NPHP4: variants seen among roughly 807,000 people sequenced by gnomAD.
NPHP4 encodes nephrocystin 4.
In NPHP4, 151 loss-of-function variants were observed where a neutral mutation model predicts 155.8. The observed-to-expected ratio is 0.97, with a 90% confidence interval of 0.85 to 1.11. The LOEUF (loss-of-function observed/expected upper bound fraction) is 1.11, where lower values mean the gene tolerates loss of function less well. Among genes scored for constraint, NPHP4 ranks in the 50% least tolerant of loss-of-function variants. The pLI, the probability that NPHP4 is intolerant of heterozygous loss-of-function variation, is 0.00. For missense variants in NPHP4, 1,956 were observed against 1,925.7 expected (o/e 1.02, Z -0.29); for synonymous variants, 845 against 816.8 (o/e 1.03, Z -0.59).
chr1:5,930,553 ATTGT>A (rs1339102279), intron 10 of NPHP4, among the ~76,000 whole-genome samples: 1 of 152,126 alleles, frequency 6.6e-6, no homozygotes, highest in Non-Finnish European at 1.5e-5. Context: ...ATTTTTACAT[ATTGT>A]TTAATTTCCA....
intron 6 of NPHP4, among the ~76,000 whole-genome samples, chr1:5,956,069 G>GT (rs932467517): frequency 3.3e-5 from 5 of 150,046 alleles, no homozygotes; most frequent in Non-Finnish European, 7.4e-5. Flanking sequence ...TGGGGGGGGG[G>GT]GGTGCAGGGA....
intron 9 of NPHP4, 78 bp from the exon 10 acceptor site, chr1:5,933,407 A>G (rs549857156): frequency 4.2e-6 from 5 of 1,202,500 alleles, no homozygotes; most frequent in Non-Finnish European, 6.0e-6. Context: ...CAGTGCTTTC[A>G]TGTGTAAAAT....
intron 2 of NPHP4, 37 bp from the exon 3 acceptor site, chr1:5,978,450 A>G (rs746642825): frequency 6.3e-7 from 1 of 1,579,588 alleles, no homozygotes; most frequent in Non-Finnish European, 8.6e-7. Context: ...CAAGAGTCTG[A>G]GCACCATGAG....
At chr1:5,879,902 T>C (rs546129480) in intron 19 of NPHP4, among the ~76,000 whole-genome samples, 1 of 146,114 alleles carries the variant, frequency 6.8e-6, no homozygotes, top group African/African-American at 2.6e-5. Context: ...CGTGCACACA[T>C]GCAGCCTTCC....
At chr1:5,880,434 G>A in intron 18 of NPHP4, 195 bp from the exon 19 acceptor site, 1 of 576,068 alleles carries the variant, frequency 1.7e-6, no homozygotes, top group Admixed American at 3.0e-5. Flanking sequence ...CGAACTTTCA[G>A]CTAGGTCTTC....
At chr1:5,918,061 AT>A (rs1158464435) in intron 11 of NPHP4, among the ~76,000 whole-genome samples, 2 of 152,236 alleles carry the variant, frequency 1.3e-5, no homozygotes, top group Non-Finnish European at 2.9e-5. Context: ...TCTGGAGATT[AT>A]TTGTTACCAT....
chr1:5,916,845 T>C (rs1260558330), intron 11 of NPHP4, among the ~76,000 whole-genome samples: 8 of 152,362 alleles, frequency 5.3e-5, no homozygotes, highest in Admixed American at 5.2e-4. Context: ...CCATCTCTAC[T>C]AAAAGCACAG....
rs1641350941 is a variant in NPHP4, at chr1:5,867,357, C to T, written c.3473-242G>A. 1 of 548,494 alleles carries T rather than the reference C, an allele frequency of 1.8e-6. No individual in the cohort carries two copies. Among genetic ancestry groups the T allele is most frequent in the Middle Eastern group, 4.5e-4 (1 of 2,246 alleles). 34.0% of individuals were successfully genotyped at this position (548,494 alleles called of 1,614,324 possible). On this transcript the variant is annotated intron_variant, in intron 24 of 29. Coordinates refer to ENST00000378156, the MANE Select transcript of NPHP4 (RefSeq NM_015102.5). The surrounding 1 kb of genome is among the most constrained non-coding windows in gnomAD (Gnocchi z 4.1). ...TGCAGCCATCTCCACAGGGAATAAT[C>T]GAGGGGGCCACAAAAAAGAAAACAC... is the stretch of plus-strand genomic sequence containing the variant.
intron 11 of NPHP4, among the ~76,000 whole-genome samples, chr1:5,913,868 C>T (rs535217446): frequency 6.6e-6 from 1 of 152,152 alleles, no homozygotes; most frequent in African/African-American, 2.4e-5. Context: ...CTATACATAA[C>T]GCAGAGAACA....
chr1:5,945,986 G>A (rs952570804), intron 9 of NPHP4, among the ~76,000 whole-genome samples: 1 of 152,180 alleles, frequency 6.6e-6, no homozygotes, highest in Admixed American at 6.5e-5. Context: ...GAGAGGTAGA[G>A]AGAGAGAGAC....
chr1:5,990,043 C>G (rs927961017), intron 1 of NPHP4, among the ~76,000 whole-genome samples: 2 of 152,200 alleles, frequency 1.3e-5, no homozygotes, highest in Admixed American at 1.3e-4. Flanking sequence ...GGTGGGAGCC[C>G]AAGCGCCCGC....
chr1:5,867,120 A>G lies in NPHP4; in HGVS notation c.3473-5T>C. ...CAAGCATTCCCACCGGAGCACCTGGAGCAGGGGAAATGTCAAAAAGAGTCT... is the reference window on the plus strand; with the variant it reads ...CAAGCATTCCCACCGGAGCACCTGGGGCAGGGGAAATGTCAAAAAGAGTCT... On this transcript the variant is annotated splice_polypyrimidine_tract_variant and splice_region_variant and intron_variant, in intron 24 of 29. Coordinates refer to ENST00000378156, the MANE Select transcript of NPHP4 (RefSeq NM_015102.5). The surrounding 1 kb of genome is among the most constrained non-coding windows in gnomAD (Gnocchi z 4.1). The G allele has an allele frequency of 6.2e-7, 1 of 1,608,076 alleles. No individual in the cohort carries two copies.
chr1:5,972,282 C>T (rs1227054178), intron 3 of NPHP4, among the ~76,000 whole-genome samples: 2 of 152,254 alleles, frequency 1.3e-5, no homozygotes, highest in Non-Finnish European at 2.9e-5. Context: ...AGTTCCTACC[C>T]TCTGGCTCAG....
chr1:5,953,753 G>A (rs79815518), intron 6 of NPHP4, among the ~76,000 whole-genome samples: 2,813 of 152,310 alleles, frequency 0.018, 27 homozygotes, highest in Non-Finnish European at 0.027. Context: ...GCTGCCTGGG[G>A]AGCCTTCTCC....
chr1:5,968,473 A>C (rs1477327808), intron 4 of NPHP4, among the ~76,000 whole-genome samples: 1 of 152,134 alleles, frequency 6.6e-6, no homozygotes, highest in Non-Finnish European at 1.5e-5. Context: ...ATGGTGGCAC[A>C]GACCTGTAAT....
At position 5,915,147 on chromosome 1, in the gene NPHP4, C is replaced by T. The variant is rs570623640; in HGVS notation, c.1442-5934G>A. On this transcript the variant is annotated intron_variant, in intron 11 of 29. Coordinates refer to ENST00000378156, the MANE Select transcript of NPHP4 (RefSeq NM_015102.5). ...GAGGGAGGAGGGAGAGGGGGCAGCA[C>T]GCAGAGGCTGTTGCTTAGCAACTCA... is the stretch of plus-strand genomic sequence containing the variant. 3.9e-5 allele frequency among the ~76,000 whole-genome samples: 6 copies of T among 152,284 alleles called. No individual in the cohort carries two copies. In the South Asian group the frequency reaches 6.2e-4, roughly 16 times the overall value.
intron 5 of NPHP4, among the ~76,000 whole-genome samples, chr1:5,962,979 G>A (rs796070991): frequency 3.9e-5 from 6 of 152,362 alleles, no homozygotes; most frequent in African/African-American, 1.2e-4. Context: ...GGGCATGCAC[G>A]TGGTCTCAGG....
rs1380309308 is a variant in NPHP4 at position 5,889,959 on chromosome 1, G to T, written c.2304+909C>A. Among the ~76,000 whole-genome samples the T allele has an allele frequency of 3.9e-5, 6 of 152,258 alleles. No homozygotes were observed. The highest frequency in any genetic ancestry group is 5.9e-5 in the Non-Finnish European group (4 of 68,048). On this transcript the variant is annotated intron_variant, in intron 17 of 29. Coordinates refer to ENST00000378156, the MANE Select transcript of NPHP4 (RefSeq NM_015102.5). The surrounding 1 kb of genome is among the most constrained non-coding windows in gnomAD (Gnocchi z 4.2). The stretch of plus-strand genomic sequence containing the variant: ...CCTGGATCAGTCGGTCACACGGGGA[G>T]CCAAGAGCAGACCATGCCTCAGAGG...
chr1:5,868,362 G>A (rs1221988755), intron 23 of NPHP4: 3 of 280,012 alleles, frequency 1.1e-5, no homozygotes, highest in Non-Finnish European at 2.1e-5. Context: ...AAAAGAGGCT[G>A]TGCCTAAACC....
Sources: allele counts gnomAD v4.1 joint callset (sites outside exome capture counted in the v4.1 genomes callset), GRCh38; gene constraint gnomAD v4.1.1; non-coding constraint Gnocchi (gnomAD v3.1); transcripts MANE v1.5; gene names NCBI Gene and HGNC (gene_info 2026-07-23, HGNC 2026-07-21).